PCDHGB3: variants seen among roughly 807,000 people sequenced by gnomAD.
PCDHGB3 encodes the protein protocadherin gamma-B3.
Under a neutral mutation model 59.2 loss-of-function variants are expected in PCDHGB3, and 40 were observed. The observed-to-expected ratio is 0.68, with a 90% CI of 0.52 to 0.88. The LOEUF is 0.88. Ranked by LOEUF, PCDHGB3 falls within the 40% of genes least tolerant of loss-of-function variation. The pLI is 0.00. For missense variants in PCDHGB3, 1,309 were observed against 1,187.9 expected (o/e 1.10, Z -1.50); for synonymous variants, 581 against 503.6 (o/e 1.15, Z -2.06).
chr5:141,389,771 C>G, intron 1 of PCDHGB3: 1 of 1,613,206 alleles, frequency 6.2e-7, no homozygotes, highest in Non-Finnish European at 8.5e-7. Context: ...CAGCGCGTGC[C>G]TTAGGCGACA....
chr5:141,372,455 G>A lies in PCDHGB3; in HGVS notation c.2061G>A (p.Glu687=). Residue 687 remains glutamate (E), a synonymous_variant, in exon 1 of 4, where the codon GAG becomes GAA. Transcript: ENST00000576222. ...CCACTCCCTCTGACCCTCAGGCGGAGCTACAGTTTCACCTAGTAGTGGCGT... is the reference window on the plus strand; with the variant it reads ...CCACTCCCTCTGACCCTCAGGCGGAACTACAGTTTCACCTAGTAGTGGCGT... ...DRPTPSDPQA[E]LQFHLVVALA... 1 of 1,614,060 alleles carries A rather than the reference G, an allele frequency of 6.2e-7. No homozygotes were observed. Among genetic ancestry groups the A allele is most frequent in the South Asian group, 1.1e-5 (1 of 91,088 alleles).
At chr5:141,393,976 A>G in intron 1 of PCDHGB3, 1 of 1,613,856 alleles carries the variant, frequency 6.2e-7, no homozygotes, top group Non-Finnish European at 8.5e-7. Flanking sequence ...TACACACGTG[A>G]TAATTTACCT....
chr5:141,392,298 G>T (rs568188111), intron 1 of PCDHGB3: 3 of 152,090 alleles, frequency 2.0e-5, no homozygotes, highest in African/African-American at 7.2e-5. Flanking sequence ...GGAAATGAAA[G>T]TATCATGTTT....
chr5:141,382,795 T>C, intron 1 of PCDHGB3: 1 of 982,614 alleles, frequency 1.0e-6, no homozygotes, highest in South Asian at 1.7e-5. Flanking sequence ...TCTATCCTGC[T>C]GGATTCTGAG....
chr5:141,396,538 T>C (rs1352031358), intron 1 of PCDHGB3: 1 of 151,514 alleles, frequency 6.6e-6, no homozygotes, highest in Non-Finnish European at 1.5e-5. Flanking sequence ...AAGAATCACT[T>C]GAACCCGGGA....
intron 1 of PCDHGB3, chr5:141,426,876 C>G (rs796453479): frequency 2.2e-6 from 1 of 456,726 alleles, no homozygotes; most frequent in Admixed American, 2.3e-5. Flanking sequence ...GGAGAAGCCC[C>G]TGGGCCAGGA....
chr5:141,478,549 A>G lies in PCDHGB3; in HGVS notation c.2416-16258A>G, dbSNP rs369095515. 8 of 1,602,904 alleles carry G rather than the reference A, an allele frequency of 5.0e-6. No individual in the cohort carries two copies. In the African/African-American group the frequency reaches 1.1e-4, roughly 21 times the overall value. On this transcript the variant is annotated intron_variant, in intron 1 of 3. Coordinates refer to ENST00000576222, the MANE Select transcript of PCDHGB3 (RefSeq NM_018924.5). ...CAGAGAGCGCCCCTCCCGGACAGGT[A>G]AGGTTTAGCAAGTCATGCTTGACCC...
In PCDHGB3 at chr5:141,490,594, C is replaced by A. The variant is rs1276468877; in HGVS notation, c.2416-4213C>A. The A allele has an allele frequency of 2.5e-6, 4 of 1,614,056 alleles. No individual in the cohort carries two copies. The highest frequency in any genetic ancestry group is 1.6e-4 in the Middle Eastern group (1 of 6,084). On this transcript the variant is annotated intron_variant, in intron 1 of 3. Transcript: ENST00000576222. The surrounding 1 kb of genome is among the most constrained non-coding windows in gnomAD (Gnocchi z 5.4). ...CATTTCAGATGTCAATGACAATGCA[C>A]CCCGCTTCAACCAGCAGCTTTACAC...
intron 1 of PCDHGB3, chr5:141,383,506 G>A: frequency 6.2e-7 from 1 of 1,612,872 alleles, no homozygotes; most frequent in Non-Finnish European, 8.5e-7. Flanking sequence ...GCTGGACCGG[G>A]AGGAAGAGCG....
intron 1 of PCDHGB3, chr5:141,410,801 A>G (rs2095424401): frequency 3.4e-6 from 2 of 587,942 alleles, no homozygotes; most frequent in Admixed American, 4.2e-5. Context: ...AAGTTGCTCT[A>G]TCTTTTTGTA....
In PCDHGB3 at chr5:141,371,218, C is replaced by G; in HGVS notation, c.824C>G (p.Ala275Gly). 2 of 1,613,994 alleles carry G rather than the reference C, an allele frequency of 1.2e-6. No individual in the cohort carries two copies. The highest frequency in any genetic ancestry group is 1.7e-6 in the Non-Finnish European group (2 of 1,179,868). Reference protein sequence around the residue: ...MAIDMDEGINAEIIYAFINIG... With the variant: ...MAIDMDEGINGEIIYAFINIG... The stretch of plus-strand genomic sequence containing the variant: ...ATTGACATGGATGAGGGCATCAATG[C>G]CGAAATCATCTATGCCTTCATCAAT... The change falls in exon 1 of 4, where the codon GCC becomes GGC. Residue 275 changes from alanine to glycine, a missense_variant. Coordinates refer to ENST00000576222, the MANE Select transcript of PCDHGB3 (RefSeq NM_018924.5).
rs202040451 is a variant in PCDHGB3, at chr5:141,382,987, C to A, written c.2415+10178C>A. The A allele has an allele frequency of 1.5e-4, 247 of 1,613,278 alleles. 1 individual carries two copies. The East Asian group carries it at 4.5e-3, about 30-fold the overall frequency. On this transcript the variant is annotated intron_variant, in intron 1 of 3. Transcript: ENST00000576222. ...GACCCCCTGGGAAGCCTGGGCAGGA[C>A]GTATTCTCTACTCCGTGTCGGAGGA...
At position 141,465,539 on chromosome 5, in the gene PCDHGB3, T is replaced by C. The variant is rs2099105222; in HGVS notation, c.2416-29268T>C. On this transcript the variant is annotated intron_variant, in intron 1 of 3. Transcript: ENST00000576222. ...GATTCTGGGGAAGTTTTCCCAGGCA[T>C]TTTTTCTGCTGAAGCTTTGGTAACT... Among the ~76,000 whole-genome samples the C allele has an allele frequency of 2.0e-5, 3 of 152,178 alleles. No homozygotes were observed. In the South Asian group the frequency reaches 6.2e-4, roughly 32 times the overall value.
intron 1 of PCDHGB3, chr5:141,375,956 G>T: frequency 1.2e-6 from 2 of 1,613,506 alleles, no homozygotes; most frequent in Non-Finnish European, 1.7e-6. Flanking sequence ...GCACACGGGC[G>T]AGGTGCGCAC....
At chr5:141,410,523 A>G (rs2095403267) in intron 1 of PCDHGB3, 3 of 1,613,800 alleles carry the variant, frequency 1.9e-6, no homozygotes, top group South Asian at 2.2e-5. Flanking sequence ...GTGCCCCTAC[A>G]TTCCAATGAA....
chr5:141,409,648 G>A, intron 1 of PCDHGB3: 2 of 1,613,692 alleles, frequency 1.2e-6, no homozygotes, highest in East Asian at 4.5e-5. Context: ...CGGATTTGGG[G>A]CTCAATGGCC....
In PCDHGB3 at chr5:141,389,374, G is replaced by A. The variant is rs192606668; in HGVS notation, c.2415+16565G>A. On this transcript the variant is annotated intron_variant, in intron 1 of 3. Coordinates refer to ENST00000576222, the MANE Select transcript of PCDHGB3 (RefSeq NM_018924.5). Reference sequence around the variant, plus strand: ...ATCATGGCCAGTGACCTGGAGCAGCGGGAGCTGTCATCCTACGTGTCCATA... The same window carrying A: ...ATCATGGCCAGTGACCTGGAGCAGCAGGAGCTGTCATCCTACGTGTCCATA... 1,030 of 1,613,784 alleles carry A rather than the reference G, an allele frequency of 6.4e-4. 16 individuals are homozygous for A. The East Asian group carries it at 0.021, about 33-fold the overall frequency.
intron 1 of PCDHGB3, chr5:141,471,535 T>C (rs553186728): frequency 6.6e-6 from 1 of 152,368 alleles, no homozygotes; most frequent in African/African-American, 2.4e-5. Context: ...GAAGCTATGA[T>C]AGCATTTAAG....
chr5:141,471,977 A>G (rs1487329441), intron 1 of PCDHGB3, among the ~76,000 whole-genome samples: 1 of 152,212 alleles, frequency 6.6e-6, no homozygotes, highest in Non-Finnish European at 1.5e-5. Context: ...ATTACTGTAT[A>G]AATTTATTAA....
Sources: gnomAD v4.1 joint callset for allele counts (sites outside exome capture counted in the v4.1 genomes callset) on GRCh38, gnomAD v4.1.1 for gene constraint, Gnocchi (gnomAD v3.1) non-coding constraint, MANE v1.5 for transcripts, NCBI Gene and HGNC (gene_info 2026-07-23, HGNC 2026-07-21) for gene names.